The following TMEM132D variants were observed in gnomAD, a reference collection of about 807,000 sequenced individuals.
The protein encoded by TMEM132D is transmembrane protein 132D, also known as mature OL transmembrane protein.
Under a neutral mutation model 62.3 loss-of-function variants are expected in TMEM132D, and 21 were observed. The observed-to-expected ratio is 0.34, with a 90% confidence interval of 0.24 to 0.49. The LOEUF (loss-of-function observed/expected upper bound fraction) is 0.49. Ranked by LOEUF, TMEM132D falls within the 20% of genes least tolerant of loss-of-function variation. The probability of loss-of-function intolerance (pLI) is 0.99; values close to 1 mark genes in which losing one functional copy is unlikely to be tolerated. For synonymous variants in TMEM132D, 621 were observed against 575.6 expected (o/e 1.08, Z -1.13); for missense variants, 1,346 against 1,402.8 (o/e 0.96, Z 0.65).
intron 2 of TMEM132D, among the ~76,000 whole-genome samples, chr12:129,662,962 G>T (rs931274461): frequency 6.6e-6 from 1 of 152,066 alleles, no homozygotes; most frequent in South Asian, 2.1e-4. Flanking sequence ...ACCTACTGAG[G>T]TGAATTAAGG....
chr12:129,582,080 T>C (rs2137127306), intron 2 of TMEM132D, among the ~76,000 whole-genome samples: 1 of 152,286 alleles, frequency 6.6e-6, no homozygotes. Flanking sequence ...GTTGAGGTTT[T>C]CTCTGGTTTT....
At chr12:129,845,134 C>T (rs1190720483) in intron 1 of TMEM132D, among the ~76,000 whole-genome samples, 1 of 152,116 alleles carries the variant, frequency 6.6e-6, no homozygotes, top group Non-Finnish European at 1.5e-5. Flanking sequence ...AGAAGAAAAA[C>T]ATACGTACTC....
chr12:129,086,201 CGTGTGTGTGTGTGT>C (rs1218792744), intron 5 of TMEM132D, among the ~76,000 whole-genome samples: 15 of 141,038 alleles, frequency 1.1e-4, no homozygotes, highest in African/African-American at 3.9e-4. Context: ...CACGCGCGCG[CGTGTGTGTGTGTGT>C]GTGTGTGTGT....
intron 4 of TMEM132D, among the ~76,000 whole-genome samples, chr12:129,293,771 G>T (rs868163764): frequency 1.3e-5 from 2 of 152,178 alleles, no homozygotes; most frequent in South Asian, 2.1e-4. Flanking sequence ...AGGAGGTAGA[G>T]CTTGGGTAGT....
chr12:129,541,079 T>C (rs993076482), intron 2 of TMEM132D, among the ~76,000 whole-genome samples: 3 of 152,220 alleles, frequency 2.0e-5, no homozygotes, highest in Non-Finnish European at 2.9e-5. Context: ...ACACATTTCT[T>C]ACACTGATAA....
chr12:129,215,873 G>C (rs1215765113), intron 4 of TMEM132D, among the ~76,000 whole-genome samples: 1 of 152,202 alleles, frequency 6.6e-6, no homozygotes, highest in Non-Finnish European at 1.5e-5. Flanking sequence ...GGAGAGCCAA[G>C]TGAAAGGGGA....
chr12:129,304,868 T>A (rs929154637), intron 4 of TMEM132D, among the ~76,000 whole-genome samples: 5 of 152,134 alleles, frequency 3.3e-5, no homozygotes, highest in Admixed American at 1.3e-4. Flanking sequence ...TTTGCCATGT[T>A]GACCGGGCTG....
chr12:129,151,869 C>T (rs372770356), intron 5 of TMEM132D, among the ~76,000 whole-genome samples: 5 of 147,426 alleles, frequency 3.4e-5, no homozygotes, highest in African/African-American at 7.4e-5. Context: ...ATGTGGACCA[C>T]GTGATTCAAC....
At chr12:129,448,197 CTG>C (rs1873164699) in intron 3 of TMEM132D, among the ~76,000 whole-genome samples, 2 of 152,124 alleles carry the variant, frequency 1.3e-5, no homozygotes, top group South Asian at 4.1e-4. Flanking sequence ...GATGCAGAAA[CTG>C]AGGCTTAGAC....
At position 129,836,126 on chromosome 12, in the gene TMEM132D, C is replaced by T. The variant is rs1004478067; in HGVS notation, c.79+67135G>A. ...TTGCCATTGATTGGTTATATATTTA[C>T]CTGTTAGTCATGTTTCATATGGAGT... On this transcript the variant is annotated intron_variant, in intron 1 of 8. Coordinates refer to ENST00000422113, the MANE Select transcript of TMEM132D (RefSeq NM_133448.3). Among the ~76,000 whole-genome samples the T allele has an allele frequency of 5.3e-5, 8 of 152,204 alleles. 2 individuals carry two copies. The East Asian group carries it at 1.5e-3, about 29-fold the overall frequency.
At chr12:129,481,373 G>A (rs1227773505) in intron 3 of TMEM132D, among the ~76,000 whole-genome samples, 2 of 151,430 alleles carry the variant, frequency 1.3e-5, no homozygotes, top group Non-Finnish European at 2.9e-5. Context: ...TGAGGTGGGA[G>A]GATCACTTGA....
chr12:129,818,992 A>G (rs540520102), intron 1 of TMEM132D, among the ~76,000 whole-genome samples: 19 of 151,806 alleles, frequency 1.3e-4, no homozygotes, highest in African/African-American at 4.4e-4. Flanking sequence ...CTAGGATTGC[A>G]CCACTGTACT....
At chr12:129,896,769 T>G (rs754955701) in intron 1 of TMEM132D, among the ~76,000 whole-genome samples, 31 of 152,334 alleles carry the variant, frequency 2.0e-4, no homozygotes, top group Non-Finnish European at 3.4e-4. Context: ...TTTCCAAATG[T>G]ACATCTGAAT....
chr12:129,169,759 C>T (rs1409678100), intron 5 of TMEM132D, among the ~76,000 whole-genome samples: 2 of 152,182 alleles, frequency 1.3e-5, no homozygotes, highest in Admixed American at 1.3e-4. Context: ...CAGGGGCCAT[C>T]TCATGCTTTG....
At chr12:129,602,552 C>T (rs559439457) in intron 2 of TMEM132D, among the ~76,000 whole-genome samples, 43 of 152,244 alleles carry the variant, frequency 2.8e-4, no homozygotes, top group African/African-American at 3.4e-4. Flanking sequence ...CATCCAACTC[C>T]GGTGGCAGAA....
intron 3 of TMEM132D, among the ~76,000 whole-genome samples, chr12:129,354,834 TC>T (rs1869988335): frequency 6.6e-6 from 1 of 152,196 alleles, no homozygotes; most frequent in South Asian, 2.1e-4. Context: ...GAATGTCCAC[TC>T]TTGATTTCTG....
intron 1 of TMEM132D, among the ~76,000 whole-genome samples, chr12:129,810,907 T>C (rs1872153687): frequency 6.6e-6 from 1 of 152,158 alleles, no homozygotes; most frequent in Non-Finnish European, 1.5e-5. Context: ...AATTCATTGA[T>C]ATTGGGCACT....
chr12:129,081,534 A>G (rs1054158242), intron 7 of TMEM132D, among the ~76,000 whole-genome samples: 3 of 152,150 alleles, frequency 2.0e-5, no homozygotes, highest in African/African-American at 7.2e-5. Context: ...TACTGAGCTC[A>G]TGACCTGCCC....
At chr12:129,639,707 C>T (rs529615392) in intron 2 of TMEM132D, among the ~76,000 whole-genome samples, 2 of 152,170 alleles carry the variant, frequency 1.3e-5, no homozygotes, top group Admixed American at 1.3e-4. Flanking sequence ...GCTTCTGTGC[C>T]CACTTTGAAG....
Sources: allele counts gnomAD v4.1 joint callset (sites outside exome capture counted in the v4.1 genomes callset), GRCh38; gene constraint gnomAD v4.1.1; transcripts MANE v1.5; gene names NCBI Gene and HGNC (gene_info 2026-07-23, HGNC 2026-07-21).